The following STIM1 variants were observed in gnomAD, a reference collection of about 807,000 sequenced individuals.
STIM1 encodes the protein stromal interaction molecule 1.
In STIM1, 25 loss-of-function variants were observed where a neutral mutation model predicts 74.7. The observed-to-expected ratio is 0.33, with a 90% CI of 0.24 to 0.47. STIM1 has a LOEUF of 0.47. STIM1 is among the 20% of genes least tolerant of loss of function. The probability of loss-of-function intolerance (pLI) is 1.00; values close to 1 mark genes in which losing one functional copy is unlikely to be tolerated. For missense variants in STIM1, 728 were observed against 920.8 expected (o/e 0.79, Z 2.71); for synonymous variants, 328 against 348.8 (o/e 0.94, Z 0.66).
intron 1 of STIM1, among the ~76,000 whole-genome samples, chr11:3,917,329 A>G (rs1057147763): frequency 2.0e-5 from 3 of 152,120 alleles, no homozygotes; most frequent in Non-Finnish European, 4.4e-5. Context: ...GATCATATGG[A>G]GACAGAGGCC....
intron 2 of STIM1, among the ~76,000 whole-genome samples, chr11:4,009,444 C>T (rs1226543262): frequency 6.6e-6 from 1 of 151,824 alleles, no homozygotes; most frequent in Non-Finnish European, 1.5e-5. Flanking sequence ...GAAACCCTGC[C>T]TCCACTAAAA....
intron 3 of STIM1, among the ~76,000 whole-genome samples, chr11:4,054,227 T>A (rs1427715165): frequency 6.6e-6 from 1 of 152,148 alleles, no homozygotes; most frequent in Non-Finnish European, 1.5e-5. Context: ...GTCTATAGAT[T>A]CTGTCCTGAA....
At chr11:3,982,883 G>A (rs2093520214) in intron 2 of STIM1, among the ~76,000 whole-genome samples, 1 of 152,076 alleles carries the variant, frequency 6.6e-6, no homozygotes, top group South Asian at 2.1e-4. Flanking sequence ...AATCCTTAGG[G>A]CCCTGTAGAA....
At chr11:3,956,254 TCTC>T (rs2093211362) in intron 1 of STIM1, among the ~76,000 whole-genome samples, 1 of 152,130 alleles carries the variant, frequency 6.6e-6, no homozygotes, top group Non-Finnish European at 1.5e-5. Flanking sequence ...ATTTAGATTA[TCTC>T]CTCTGGGAGA....
intron 2 of STIM1, among the ~76,000 whole-genome samples, chr11:4,000,336 C>T (rs1479453950): frequency 6.6e-6 from 1 of 151,634 alleles, no homozygotes; most frequent in African/African-American, 2.4e-5. Flanking sequence ...AGGCACCCCC[C>T]AGTAGGGGCA....
intron 1 of STIM1, among the ~76,000 whole-genome samples, chr11:3,890,903 A>G (rs1438990659): frequency 6.6e-6 from 1 of 152,154 alleles, no homozygotes; most frequent in Non-Finnish European, 1.5e-5. Flanking sequence ...TCCATGAAAT[A>G]CTGTTTATGT....
intron 2 of STIM1, among the ~76,000 whole-genome samples, chr11:4,021,900 C>G (rs1203551435): frequency 6.6e-6 from 1 of 151,980 alleles, no homozygotes; most frequent in Non-Finnish European, 1.5e-5. Flanking sequence ...TCTTTTACCT[C>G]CTTGGTTAAA....
chr11:3,881,770 G>A (rs1310306930), intron 1 of STIM1, among the ~76,000 whole-genome samples: 1 of 152,100 alleles, frequency 6.6e-6, no homozygotes, highest in Non-Finnish European at 1.5e-5. Context: ...TGCAGCCTCC[G>A]ACTCCTGGGT....
chr11:4,046,982 A>G (rs959692628), intron 3 of STIM1, among the ~76,000 whole-genome samples: 3 of 152,144 alleles, frequency 2.0e-5, no homozygotes, highest in African/African-American at 7.2e-5. Flanking sequence ...AGCATTTCAG[A>G]AGTTACTTAT....
Position 4,091,344 on chromosome 11 carries a change from C to T in STIM1, c.1697C>T (p.Pro566Leu). The stretch of plus-strand genomic sequence containing the variant: ...ATGAGTGACCGCCAGCGTGTGGCCC[C>T]CAAACCTCCTCAGATGAGCCGTGCT... The part of the protein sequence containing the change: ...LHMSDRQRVA[P>L]KPPQMSRAAD... The change falls in exon 13 of 13, where the codon CCC (proline) becomes CTC (leucine). Residue 566 changes from proline (P) to leucine (L), a missense_variant. Pro to Leu is a moderately conservative substitution (Grantham distance 98). This residue lies in a region of STIM1 where 352 missense variants were observed against 370.1 expected (regional missense o/e 0.95). Transcript: ENST00000526596. 1.2e-6 allele frequency: 2 copies of T among 1,614,236 alleles called. No individual in the cohort carries two copies. The highest frequency in any genetic ancestry group is 1.7e-6 in the Non-Finnish European group (2 of 1,180,034).
intron 7 of STIM1, among the ~76,000 whole-genome samples, chr11:4,075,779 C>G (rs1416991086): frequency 6.6e-6 from 1 of 152,078 alleles, no homozygotes; most frequent in Non-Finnish European, 1.5e-5. Context: ...AACTGTCAAA[C>G]AATTTTCCAA....
rs1203146173 is a variant in STIM1 at position 3,866,113 on chromosome 11, C to T, written c.139+9704C>T. Among the ~76,000 whole-genome samples the T allele has an allele frequency of 3.3e-5, 5 of 152,186 alleles. No individual in the cohort carries two copies. The East Asian group carries it at 9.6e-4, about 29-fold the overall frequency. On this transcript the variant is annotated intron_variant, in intron 1 of 12. Coordinates refer to ENST00000526596, the MANE Select transcript of STIM1 (RefSeq NM_001382567.1). ...AGTTCCAGCCCCAGACCACTTTACT[C>T]ACTTCATCTCCCTCTGTTCCCCTTG...
rs1293759590 is a variant in STIM1, at chr11:3,895,746, TCC to T, written c.139+39338_139+39339del. ...TCTTTCTTTCTTTCTTTTTCTTTCTTCCTTCCTTCCTTCCTTCCTTCCTTCCT... is the reference window on the plus strand; with the variant it reads ...TCTTTCTTTCTTTCTTTTTCTTTCTTTTCCTTCCTTCCTTCCTTCCTTCCT... On this transcript the variant is annotated intron_variant, in intron 1 of 12. Transcript: ENST00000526596. 1.9e-3 allele frequency among the ~76,000 whole-genome samples: 61 copies of T among 32,054 alleles called. 6 individuals carry two copies. Among genetic ancestry groups the T allele is most frequent in the African/African-American group, 7.0e-3 (31 of 4,400 alleles). 21.0% of individuals were successfully genotyped at this position (32,054 alleles called of 152,430 possible).
chr11:3,869,196 C>A (rs1414474027), intron 1 of STIM1, among the ~76,000 whole-genome samples: 4 of 152,214 alleles, frequency 2.6e-5, no homozygotes, highest in Non-Finnish European at 4.4e-5. Context: ...GTCTTGATCT[C>A]CTGACCTCGT....
intron 12 of STIM1, among the ~76,000 whole-genome samples, chr11:4,087,242 A>G (rs2133245105): frequency 6.6e-6 from 1 of 152,310 alleles, no homozygotes; most frequent in African/African-American, 2.4e-5. Flanking sequence ...GTGATAAGAT[A>G]CAATCCCAGC....
At chr11:4,063,000 T>C (rs1490456730) in intron 5 of STIM1, among the ~76,000 whole-genome samples, 1 of 152,054 alleles carries the variant, frequency 6.6e-6, no homozygotes, top group Non-Finnish European at 1.5e-5. Flanking sequence ...AAGAAGCCAG[T>C]CACAACAGGC....
chr11:4,071,803 G>A (rs1205956442), intron 6 of STIM1, among the ~76,000 whole-genome samples: 2 of 152,218 alleles, frequency 1.3e-5, no homozygotes, highest in African/African-American at 2.4e-5. Context: ...GGCTCAGAGA[G>A]GGTAAGTGCT....
At chr11:4,029,889 A>G (rs1337651573) in intron 3 of STIM1, among the ~76,000 whole-genome samples, 11 of 152,166 alleles carry the variant, frequency 7.2e-5, no homozygotes. Flanking sequence ...AATATGCCAT[A>G]ATAACTTCAC....
chr11:4,004,248 A>G (rs1044419209), intron 2 of STIM1, among the ~76,000 whole-genome samples: 1 of 152,054 alleles, frequency 6.6e-6, no homozygotes, highest in Admixed American at 6.6e-5. Flanking sequence ...TAAAGTTCAT[A>G]TGGAACCAAA....
Sources: allele counts gnomAD v4.1 joint callset (sites outside exome capture counted in the v4.1 genomes callset), GRCh38; gene constraint gnomAD v4.1.1; regional missense constraint gnomAD v4.1.1; transcripts MANE v1.5; gene names NCBI Gene and HGNC (gene_info 2026-07-23, HGNC 2026-07-21).